Variants in CNTNAP2 observed in about 807,000 individuals in gnomAD.
CNTNAP2 encodes contactin associated protein 2.
Under a neutral mutation model 155.2 loss-of-function variants are expected in CNTNAP2, and 98 were observed. The ratio of observed to expected loss-of-function variants is 0.63; its 90% CI spans 0.54 to 0.75. The LOEUF (loss-of-function observed/expected upper bound fraction) is 0.75, where lower values mean the gene tolerates loss of function less well. Ranked by LOEUF, CNTNAP2 falls within the 30% of genes least tolerant of loss-of-function variation. The probability of loss-of-function intolerance (pLI) is 0.00; values close to 1 mark genes in which losing one functional copy is unlikely to be tolerated. For missense variants in CNTNAP2, 1,727 were observed against 1,688.1 expected, an observed-to-expected ratio of 1.02 and a Z score of -0.40; for synonymous variants, 651 against 631.2, an observed-to-expected ratio of 1.03 and a Z score of -0.47.
intron 10 of CNTNAP2, among the ~76,000 whole-genome samples, chr7:147,474,884 G>A (rs893622625): frequency 6.6e-6 from 1 of 152,142 alleles, no homozygotes; most frequent in Non-Finnish European, 1.5e-5. Context: ...GTGATTCTTG[G>A]AGGGGAAAAT....
At chr7:146,991,010 A>C (rs1371221176) in intron 3 of CNTNAP2, among the ~76,000 whole-genome samples, 1 of 152,122 alleles carries the variant, frequency 6.6e-6, no homozygotes, top group Non-Finnish European at 1.5e-5. Flanking sequence ...TTCCTTTCTT[A>C]TATCCTATAG....
intron 10 of CNTNAP2, among the ~76,000 whole-genome samples, chr7:147,461,583 AT>A (rs1798026203): frequency 6.6e-6 from 1 of 152,080 alleles, no homozygotes; most frequent in Non-Finnish European, 1.5e-5. Context: ...CTTTAAAATT[AT>A]TTTCATGTGA....
intron 12 of CNTNAP2, among the ~76,000 whole-genome samples, chr7:147,563,820 G>T (rs1044107538): frequency 6.6e-6 from 1 of 152,002 alleles, no homozygotes; most frequent in Admixed American, 6.6e-5. Context: ...CATTATGTGT[G>T]AAGTGGAAAT....
chr7:146,322,523 A>G (rs945293531), intron 1 of CNTNAP2, among the ~76,000 whole-genome samples: 1 of 151,972 alleles, frequency 6.6e-6, no homozygotes, highest in African/African-American at 2.4e-5. Flanking sequence ...TCATAGGTGC[A>G]GTCTCAGAAT....
intron 8 of CNTNAP2, among the ~76,000 whole-genome samples, chr7:147,248,977 A>T (rs778922709): frequency 1.6e-4 from 24 of 152,030 alleles, no homozygotes; most frequent in Non-Finnish European, 3.2e-4. Context: ...TCTATGGGAG[A>T]AGAAAAAAAA....
chr7:146,721,286 A>C (rs1046239006), intron 1 of CNTNAP2, among the ~76,000 whole-genome samples: 4 of 130,186 alleles, frequency 3.1e-5, no homozygotes, highest in Non-Finnish European at 4.6e-5. Flanking sequence ...TATATATTCT[A>C]TATATATTCT....
chr7:147,478,987 G>A (rs187776126), intron 10 of CNTNAP2, among the ~76,000 whole-genome samples: 3 of 152,284 alleles, frequency 2.0e-5, no homozygotes, highest in Admixed American at 2.0e-4. Context: ...GCAAGAGCAG[G>A]GTGACGACAG....
chr7:147,416,050 T>G (rs776808534), intron 10 of CNTNAP2, among the ~76,000 whole-genome samples: 25 of 152,350 alleles, frequency 1.6e-4, no homozygotes, highest in South Asian at 8.3e-4. Context: ...ATTTCTCTGC[T>G]TATAGTTTTT....
In CNTNAP2 at chr7:146,725,740, C is replaced by T. The variant is rs557388533; in HGVS notation, c.98-48531C>T. On this transcript the variant is annotated intron_variant, in intron 1 of 23. Transcript: ENST00000361727. The stretch of plus-strand genomic sequence containing the variant: ...GGACCCACTAATCACTCCAGTGACC[C>T]CACCCCGAGGGACTCAGCATGCGGG... Among the ~76,000 whole-genome samples, 4 of 152,202 alleles carry T rather than the reference C, an allele frequency of 2.6e-5. No individual in the cohort carries two copies. In the East Asian group the frequency reaches 5.8e-4, roughly 22 times the overall value.
intron 21 of CNTNAP2, among the ~76,000 whole-genome samples, chr7:148,348,035 T>C (rs1205841591): frequency 6.6e-6 from 1 of 152,242 alleles, no homozygotes; most frequent in Non-Finnish European, 1.5e-5. Context: ...CAAGACTCTT[T>C]GGCTAGTTTT....
chr7:147,020,740 C>CT, intron 3 of CNTNAP2, among the ~76,000 whole-genome samples: 1 of 152,196 alleles, frequency 6.6e-6, no homozygotes, highest in South Asian at 2.1e-4. Flanking sequence ...TTTAAAAATA[C>CT]TTTTTAAAAT....
chr7:148,265,956 T>C (rs1230913359), intron 20 of CNTNAP2, among the ~76,000 whole-genome samples: 1 of 152,228 alleles, frequency 6.6e-6, no homozygotes, highest in African/African-American at 2.4e-5. Flanking sequence ...CACAGCTAGC[T>C]TCCAGCATCT....
intron 13 of CNTNAP2, among the ~76,000 whole-genome samples, chr7:147,765,646 A>G (rs895612538): frequency 6.6e-6 from 1 of 152,124 alleles, no homozygotes; most frequent in Admixed American, 6.6e-5. Flanking sequence ...AATGTTATGA[A>G]CACTTTGAGA....
intron 3 of CNTNAP2, among the ~76,000 whole-genome samples, chr7:146,917,140 T>C (rs181403477): frequency 1.3e-5 from 2 of 152,282 alleles, no homozygotes; most frequent in African/African-American, 2.4e-5. Flanking sequence ...AGAGTTTCTT[T>C]TGGAGTTGAT....
chr7:147,981,123 TG>T (rs1801521657), intron 15 of CNTNAP2, among the ~76,000 whole-genome samples: 1 of 152,132 alleles, frequency 6.6e-6, no homozygotes, highest in Non-Finnish European at 1.5e-5. Context: ...TCTTTGAAAA[TG>T]GCATTTACAC....
At chr7:146,345,337 C>G (rs1252379910) in intron 1 of CNTNAP2, among the ~76,000 whole-genome samples, 1 of 152,136 alleles carries the variant, frequency 6.6e-6, no homozygotes, top group Non-Finnish European at 1.5e-5. Context: ...AGAACCCAAA[C>G]AAAGAGATTG....
intron 3 of CNTNAP2, among the ~76,000 whole-genome samples, chr7:146,946,122 C>A (rs1797168441): frequency 6.6e-6 from 1 of 150,776 alleles, no homozygotes; most frequent in African/African-American, 2.4e-5. Flanking sequence ...TTCCTTCCTT[C>A]TTTCCTTCCT....
intron 10 of CNTNAP2, among the ~76,000 whole-genome samples, chr7:147,415,315 T>C (rs1054584383): frequency 2.6e-5 from 4 of 152,214 alleles, no homozygotes; most frequent in Non-Finnish European, 5.9e-5. Context: ...GCTAGTCCAA[T>C]TGATAAGGTT....
chr7:146,707,043 C>A (rs186708894), intron 1 of CNTNAP2, among the ~76,000 whole-genome samples: 6 of 152,148 alleles, frequency 3.9e-5, no homozygotes, highest in Non-Finnish European at 8.8e-5. Flanking sequence ...AAATTAGCCA[C>A]GTCGTAAAAT....
Sources: gnomAD v4.1 joint callset for allele counts (sites outside exome capture counted in the v4.1 genomes callset) on GRCh38, gnomAD v4.1.1 for gene constraint, MANE v1.5 for transcripts, NCBI Gene and HGNC (gene_info 2026-07-23, HGNC 2026-07-21) for gene names.